MDGA2: variants seen among roughly 807,000 people sequenced by gnomAD.
The protein encoded by MDGA2 is MAM domain containing glycosylphosphatidylinositol anchor 2, also known as MAM domain-containing glycosylphosphatidylinositol anchor protein 2.
Under a neutral mutation model 117.8 loss-of-function variants are expected in MDGA2, and 40 were observed. The ratio of observed to expected loss-of-function variants is 0.34; its 90% CI spans 0.26 to 0.44. The LOEUF (loss-of-function observed/expected upper bound fraction) is 0.44. Ranked by LOEUF, MDGA2 falls within the 20% of genes least tolerant of loss-of-function variation. MDGA2 has a pLI of 1.00. For synonymous variants in MDGA2, 452 were observed against 439.0 expected, an observed-to-expected ratio of 1.03 and a Z score of -0.37; for missense variants, 1,123 against 1,250.6, an observed-to-expected ratio of 0.90 and a Z score of 1.54.
intron 1 of MDGA2, among the ~76,000 whole-genome samples, chr14:47,450,880 T>C (rs1438597564): frequency 1.3e-5 from 2 of 152,154 alleles, no homozygotes; most frequent in Non-Finnish European, 2.9e-5. Context: ...ACCTGAAGGA[T>C]TCAAATTAAA....
chr14:47,127,004 A>G (rs921602422), intron 5 of MDGA2, among the ~76,000 whole-genome samples: 9 of 152,304 alleles, frequency 5.9e-5, no homozygotes, highest in Middle Eastern at 3.4e-3. Context: ...CCAAAAGTAC[A>G]TTGATTAGCC....
At chr14:47,342,436 G>C (rs770515411) in intron 1 of MDGA2, among the ~76,000 whole-genome samples, 19 of 151,762 alleles carry the variant, frequency 1.3e-4, no homozygotes, top group Non-Finnish European at 2.2e-4. Context: ...CTAGTGAATG[G>C]TGGAACTGAG....
intron 1 of MDGA2, among the ~76,000 whole-genome samples, chr14:47,641,398 C>T (rs1281023192): frequency 6.6e-6 from 1 of 152,010 alleles, no homozygotes; most frequent in Non-Finnish European, 1.5e-5. Flanking sequence ...TCTCTAGAGA[C>T]ATCTCACCAT....
At chr14:47,243,178 G>A (rs1013760906) in intron 2 of MDGA2, among the ~76,000 whole-genome samples, 1 of 151,718 alleles carries the variant, frequency 6.6e-6, no homozygotes, top group South Asian at 2.1e-4. Flanking sequence ...TCGACACTCT[G>A]TATCTAGCTG....
intron 1 of MDGA2, among the ~76,000 whole-genome samples, chr14:47,357,779 CA>C (rs1891028351): frequency 6.6e-6 from 1 of 152,170 alleles, no homozygotes; most frequent in Non-Finnish European, 1.5e-5. Context: ...GCTTGTATTA[CA>C]ACAAAAATAT....
At chr14:46,930,252 A>G (rs1157740174) in intron 9 of MDGA2, among the ~76,000 whole-genome samples, 2 of 152,322 alleles carry the variant, frequency 1.3e-5, no homozygotes, top group Non-Finnish European at 2.9e-5. Flanking sequence ...ATTAAAACTT[A>G]GTCCCAATTG....
intron 1 of MDGA2, among the ~76,000 whole-genome samples, chr14:47,327,826 T>G (rs942391027): frequency 7.9e-5 from 12 of 152,278 alleles, no homozygotes; most frequent in Middle Eastern, 3.4e-3. Flanking sequence ...TGTCTCATCA[T>G]CATTTACATA....
intron 8 of MDGA2, among the ~76,000 whole-genome samples, chr14:47,026,796 A>G (rs1408006503): frequency 6.6e-6 from 1 of 152,130 alleles, no homozygotes; most frequent in Admixed American, 6.6e-5. Flanking sequence ...CATTTTTCTT[A>G]GAAGAAACTA....
In MDGA2 at chr14:47,085,456, C is replaced by T. The variant is rs982403459; in HGVS notation, c.1195+11398G>A. Among the ~76,000 whole-genome samples, 3 of 152,214 alleles carry T rather than the reference C, an allele frequency of 2.0e-5. No homozygotes were observed. In the East Asian group the frequency reaches 5.8e-4, roughly 29 times the overall value. ...ATATTGACACAGATGATCAATATCA[C>T]AGTCTAGTCTCACTATAGATTACAA... On this transcript the variant is annotated intron_variant, in intron 6 of 16. Transcript: ENST00000399232.
chr14:47,316,568 CAACTT>C (rs1207208938), intron 1 of MDGA2, among the ~76,000 whole-genome samples: 10 of 151,946 alleles, frequency 6.6e-5, no homozygotes, highest in Admixed American at 3.3e-4. Context: ...ATATCACAAA[CAACTT>C]AAATATATAA....
At chr14:46,951,076 AATATGAATATTGTAAT>A (rs1566541648) in intron 9 of MDGA2, among the ~76,000 whole-genome samples, 1 of 151,936 alleles carries the variant, frequency 6.6e-6, no homozygotes, top group Non-Finnish European at 1.5e-5. Context: ...CCAATATGTC[AATATGAATATTGTAAT>A]ATGCCAAAAG....
chr14:47,661,160 C>T (rs1260316635), intron 1 of MDGA2, among the ~76,000 whole-genome samples: 2 of 152,022 alleles, frequency 1.3e-5, no homozygotes, highest in Non-Finnish European at 1.5e-5. Context: ...TAAGCACACA[C>T]ATATCTGAAT....
chr14:47,215,042 G>A (rs1286096828), intron 3 of MDGA2, among the ~76,000 whole-genome samples: 1 of 152,096 alleles, frequency 6.6e-6, no homozygotes, highest in Non-Finnish European at 1.5e-5. Flanking sequence ...GATTTTGCAT[G>A]AGTGTATTTT....
chr14:46,931,825 C>G (rs996693174), intron 9 of MDGA2, among the ~76,000 whole-genome samples: 6 of 151,996 alleles, frequency 3.9e-5, no homozygotes, highest in Non-Finnish European at 7.4e-5. Flanking sequence ...ACCCAGCCTA[C>G]TTTTGTTACT....
At chr14:47,565,850 G>A (rs1015941419) in intron 1 of MDGA2, among the ~76,000 whole-genome samples, 13 of 152,178 alleles carry the variant, frequency 8.5e-5, no homozygotes, top group African/African-American at 3.1e-4. Flanking sequence ...AGGTGTTCGT[G>A]CCAGCAGCTG....
At chr14:47,667,857 A>C (rs939629665) in intron 1 of MDGA2, among the ~76,000 whole-genome samples, 2 of 152,202 alleles carry the variant, frequency 1.3e-5, no homozygotes, top group African/African-American at 4.8e-5. Flanking sequence ...GTAACATGTC[A>C]TACACATGAC....
chr14:47,157,946 G>A (rs1337473206), intron 3 of MDGA2, among the ~76,000 whole-genome samples: 1 of 150,742 alleles, frequency 6.6e-6, no homozygotes, highest in East Asian at 2.0e-4. Context: ...TCTTTTTTTT[G>A]TAAATTATTG....
chr14:47,462,014 C>G (rs1373396010), intron 1 of MDGA2, among the ~76,000 whole-genome samples: 2 of 152,152 alleles, frequency 1.3e-5, no homozygotes, highest in South Asian at 4.1e-4. Context: ...CAACAGCTAA[C>G]AATACTTTCA....
chr14:46,990,480 T>A (rs192577131), intron 8 of MDGA2, among the ~76,000 whole-genome samples: 1 of 152,120 alleles, frequency 6.6e-6, no homozygotes, highest in Non-Finnish European at 1.5e-5. Flanking sequence ...AAGAAAAAAA[T>A]GTTCTGAGAA....
Sources: gnomAD v4.1 joint callset for allele counts (sites outside exome capture counted in the v4.1 genomes callset) on GRCh38, gnomAD v4.1.1 for gene constraint, MANE v1.5 for transcripts, NCBI Gene and HGNC (gene_info 2026-07-23, HGNC 2026-07-21) for gene names.